Variants in MEAK7 observed in about 807,000 individuals in gnomAD.
MEAK7 encodes the protein MTOR associated protein MEAK7.
MEAK7 carries 68 observed loss-of-function variants against 40.5 expected under a neutral mutation model. The observed-to-expected ratio is 1.68, with a 90% CI of 1.38 to 2.06. The LOEUF (loss-of-function observed/expected upper bound fraction) is 2.06. Ranked by LOEUF, MEAK7 falls within the 30% of genes most tolerant of loss-of-function variation. MEAK7 has a pLI of 0.00. For synonymous variants in MEAK7, 338 were observed against 231.9 expected, an observed-to-expected ratio of 1.46 and a Z score of -4.16; for missense variants, 918 against 580.5, an observed-to-expected ratio of 1.58 and a Z score of -5.98.
In MEAK7 at chr16:84,502,517, T is replaced by C. The variant is rs199828916; in HGVS notation, c.-26+2084A>G. On this transcript the variant is annotated intron_variant, in intron 1 of 7. Coordinates refer to ENST00000343629, the MANE Select transcript of MEAK7 (RefSeq NM_020947.4). ...TCGAGGCCAATGTAGGGTTGTGTTA[T>C]GCACAGCTTTGCAGAGAAGAGGCCA... Among the ~76,000 whole-genome samples the C allele has an allele frequency of 1.6e-4, 24 of 152,218 alleles. No homozygotes were observed. The East Asian group carries it at 4.6e-3, about 29-fold the overall frequency.
At position 84,486,754 on chromosome 16, in the gene MEAK7, A is replaced by G; in HGVS notation, c.835T>C (p.Phe279Leu). Residue 279 changes from phenylalanine to leucine, a missense_variant, in exon 5 of 8, where the codon TTC becomes CTC. By Grantham distance (22) the Phe-to-Leu change is conservative. Coordinates refer to ENST00000343629, the MANE Select transcript of MEAK7 (RefSeq NM_020947.4). The part of the protein sequence containing the change: ...LFSSELHGHS[F>L]SQLCGHITHR... ...GTGATGTGGCCACAGAGCTGGGAGA[A>G]GCTGTGTCCATGGAGCTCAGACGAA... 6.2e-7 allele frequency: 1 copy of G among 1,614,020 alleles called. No individual in the cohort carries two copies. The highest frequency in any genetic ancestry group is 8.5e-7 in the Non-Finnish European group (1 of 1,179,882).
intron 5 of MEAK7, among the ~76,000 whole-genome samples, chr16:84,483,115 G>A (rs1401999360): frequency 6.6e-6 from 1 of 152,238 alleles, no homozygotes; most frequent in Admixed American, 6.5e-5. Flanking sequence ...GCAGGCAAGT[G>A]ACGCTGCGTA....
intron 5 of MEAK7, 190 bp downstream of exon 5, chr16:84,486,441 C>G: frequency 7.2e-7 from 1 of 1,385,124 alleles, no homozygotes; most frequent in Non-Finnish European, 9.3e-7. Flanking sequence ...GTCACACGGC[C>G]TGTCCTGAAG....
rs146538493 is a variant in MEAK7, at chr16:84,486,822, G to A, written c.767C>T (p.Ala256Val). 20 of 1,614,022 alleles carry A rather than the reference G, an allele frequency of 1.2e-5. No homozygotes were observed. Among genetic ancestry groups the A allele is most frequent in the Non-Finnish European group, 1.6e-5 (19 of 1,179,904 alleles). ...GTGCCGCTGCTCCCGAGGCAGCTGG[G>A]CGTTGATGTACATGACAGAGAGGAC... is the stretch of plus-strand genomic sequence containing the variant. The part of the protein sequence containing the change: ...LDVLSVMYIN[A>V]QLPREQRHRW... Residue 256 changes from alanine to valine, a missense_variant, in exon 5 of 8, where the codon GCC becomes GTC. Physicochemically the swap from Ala to Val is moderately conservative, Grantham distance 64. Coordinates refer to ENST00000343629, the MANE Select transcript of MEAK7 (RefSeq NM_020947.4).
In MEAK7 at chr16:84,481,410, G is replaced by A. The variant is rs1005087471; in HGVS notation, c.1078-702C>T. Among the ~76,000 whole-genome samples, 6 of 152,298 alleles carry A rather than the reference G, an allele frequency of 3.9e-5. No individual in the cohort carries two copies. The East Asian group carries it at 7.7e-4, about 20-fold the overall frequency. ...GAGCCGCTCTCTCAGGGCCAATGAC[G>A]AGCGATGACCGGGGCCTGCCGGGTG... is the stretch of plus-strand genomic sequence containing the variant. On this transcript the variant is annotated intron_variant, in intron 6 of 7. Transcript: ENST00000343629.
Position 84,504,311 on chromosome 16 carries a change from G to C in MEAK7, c.-26+290C>G, listed in dbSNP as rs146921189. 2.5e-3 allele frequency among the ~76,000 whole-genome samples: 383 copies of C among 152,298 alleles called. 2 individuals carry two copies. Among genetic ancestry groups the C allele is most frequent in the African/African-American group, 8.7e-3 (361 of 41,552 alleles). On this transcript the variant is annotated intron_variant, in intron 1 of 7. Coordinates refer to ENST00000343629, the MANE Select transcript of MEAK7 (RefSeq NM_020947.4). ...TTCAACACGGCTGGCCTTGGCCCTG[G>C]GGGAAGCACCTCGCCACCCTCTTAC...
At chr16:84,480,201 G>T (rs1912401607) in intron 7 of MEAK7, among the ~76,000 whole-genome samples, 175 bp from the exon 8 acceptor site, 1 of 152,178 alleles carries the variant, frequency 6.6e-6, no homozygotes, top group Non-Finnish European at 1.5e-5. Context: ...AGGTTCAGGG[G>T]CCAACAGCAA....
chr16:84,480,811 CA>C, intron 6 of MEAK7, 103 bp from the exon 7 acceptor site: 4 of 1,329,086 alleles, frequency 3.0e-6, no homozygotes, highest in Non-Finnish European at 4.1e-6. Context: ...CAGCCTGAGA[CA>C]GGGGCGGGTG....
At chr16:84,493,310 C>T (rs1370118792) in intron 3 of MEAK7, among the ~76,000 whole-genome samples, 2 of 152,156 alleles carry the variant, frequency 1.3e-5, no homozygotes, top group African/African-American at 4.8e-5. Context: ...AGTTTATAGT[C>T]AGCTATAGAA....
In MEAK7 at chr16:84,486,733, T is replaced by A. The variant is rs141459520; in HGVS notation, c.856A>T (p.Ile286Phe). 3.7e-6 allele frequency: 6 copies of A among 1,613,866 alleles called. No individual in the cohort carries two copies. The East Asian group carries it at 1.3e-4, about 36-fold the overall frequency. Residue 286 changes from isoleucine to phenylalanine, a missense_variant, in exon 5 of 8, where the codon ATC becomes TTC. Ile to Phe is a conservative substitution (Grantham distance 21). Coordinates refer to ENST00000343629, the MANE Select transcript of MEAK7 (RefSeq NM_020947.4). ...GHSFSQLCGH[I>F]THRGPCVAVL... is the part of the protein sequence containing the mutation. ...GCCACACAGGGTCCCCGGTGAGTGA[T>A]GTGGCCACAGAGCTGGGAGAAGCTG...
rs1268333517 is a variant in MEAK7 at position 84,489,307 on chromosome 16, G to T, written c.500C>A (p.Ala167Asp). 1.2e-6 allele frequency: 2 copies of T among 1,614,038 alleles called. No homozygotes were observed. The highest frequency in any genetic ancestry group is 8.5e-7 in the Non-Finnish European group (1 of 1,180,024). Residue 167 changes from alanine (A) to aspartate (D), a missense_variant, in exon 4 of 8, where the codon GCT (alanine) becomes GAT (aspartate). Ala to Asp is a moderately radical substitution (Grantham distance 126). Transcript: ENST00000343629. ...CAGCTTCATGTCAGAGAGCAGCTGA[G>T]CAGCCAGCACCTGCACCCGGGGGTT... Reference protein sequence around the residue: ...GPNPRVQVLAAQLLSDMKLQD... With the variant: ...GPNPRVQVLADQLLSDMKLQD...
chr16:84,490,649 T>C (rs1383140272), intron 3 of MEAK7, among the ~76,000 whole-genome samples: 1 of 133,546 alleles, frequency 7.5e-6, no homozygotes, highest in Non-Finnish European at 1.6e-5. Context: ...TAAAAGCTAA[T>C]CAAGATGTGT....
intron 3 of MEAK7, among the ~76,000 whole-genome samples, chr16:84,495,060 G>C (rs1477018875): frequency 6.6e-6 from 1 of 152,148 alleles, no homozygotes; most frequent in African/African-American, 2.4e-5. Flanking sequence ...CCTAAGCTCA[G>C]GAGTTGGAGA....
Position 84,482,886 on chromosome 16 carries a change from G to A in MEAK7, c.959-176C>T, listed in dbSNP as rs151195853. ...AGCTGCTAGGGACCCAGGTGGATGAGCTGGGGATGCAGGGATTAGAGGGAC... is the reference window on the plus strand; with the variant it reads ...AGCTGCTAGGGACCCAGGTGGATGAACTGGGGATGCAGGGATTAGAGGGAC... On this transcript the variant is annotated intron_variant, in intron 5 of 7. Coordinates refer to ENST00000343629, the MANE Select transcript of MEAK7 (RefSeq NM_020947.4). Among the ~76,000 whole-genome samples, 55 of 152,328 alleles carry A rather than the reference G, an allele frequency of 3.6e-4. 1 individual carries two copies. The highest frequency in any genetic ancestry group is 3.4e-3 in the Middle Eastern group (1 of 294).
chr16:84,504,444 A>G (rs747759694), intron 1 of MEAK7, among the ~76,000 whole-genome samples, 157 bp downstream of exon 1: 16 of 122,334 alleles, frequency 1.3e-4, no homozygotes, highest in Non-Finnish European at 2.1e-4. Context: ...CGCAGCCTTC[A>G]CCTCTCCCTC....
intron 3 of MEAK7, among the ~76,000 whole-genome samples, chr16:84,492,598 T>G (rs1381115064): frequency 1.3e-5 from 2 of 152,098 alleles, no homozygotes; most frequent in African/African-American, 4.8e-5. Flanking sequence ...TATTTATTTT[T>G]GGAGATGAAG....
intron 3 of MEAK7, among the ~76,000 whole-genome samples, chr16:84,492,715 G>C (rs530432327): frequency 6.6e-6 from 1 of 152,076 alleles, no homozygotes; most frequent in Non-Finnish European, 1.5e-5. Flanking sequence ...CCGAGTAGCT[G>C]GGACTACAGG....
At position 84,489,361 on chromosome 16, in the gene MEAK7, C is replaced by G; in HGVS notation, c.446G>C (p.Gly149Ala). 1 of 1,614,204 alleles carries G rather than the reference C, an allele frequency of 6.2e-7. No homozygotes were observed. The highest frequency in any genetic ancestry group is 8.5e-7 in the Non-Finnish European group (1 of 1,180,024). ...CCCTGGGGCTTCCTTCCCAGTCCAG[C>G]CTCTCAGCTCCTGTCTGTGGCTTAG... is the stretch of plus-strand genomic sequence containing the variant. ...HVLSHRQELR[G>A]WTGKEAPGPN... Residue 149 changes from glycine (G) to alanine (A), a missense_variant, in exon 4 of 8, where the codon GGC becomes GCC. Coordinates refer to ENST00000343629, the MANE Select transcript of MEAK7 (RefSeq NM_020947.4).
At chr16:84,491,149 G>A (rs943041314) in intron 3 of MEAK7, among the ~76,000 whole-genome samples, 1 of 152,212 alleles carries the variant, frequency 6.6e-6, no homozygotes, top group African/African-American at 2.4e-5. Context: ...ATCAAAAACA[G>A]AAGTAGGGGG....
Sources: allele counts gnomAD v4.1 joint callset (sites outside exome capture counted in the v4.1 genomes callset), GRCh38; gene constraint gnomAD v4.1.1; transcripts MANE v1.5; gene names NCBI Gene and HGNC (gene_info 2026-07-23, HGNC 2026-07-21).